The following PGAP3 variants were observed in gnomAD, a reference collection of about 807,000 sequenced individuals.
PGAP3 encodes post-GPI attachment to proteins phospholipase 3.
In PGAP3, 31 loss-of-function variants were observed where a neutral mutation model predicts 40.3. The ratio of observed to expected loss-of-function variants is 0.77; its 90% CI spans 0.58 to 1.04. The LOEUF is 1.04. PGAP3 is among the 50% of genes least tolerant of loss of function. PGAP3 has a pLI of 0.00. For missense variants in PGAP3, 413 were observed against 423.0 expected, an observed-to-expected ratio of 0.98 and a Z score of 0.21; for synonymous variants, 191 against 184.5, an observed-to-expected ratio of 1.04 and a Z score of -0.29.
chr17:39,678,329 G>A (rs1597818805), intron 3 of PGAP3, among the ~76,000 whole-genome samples: 1 of 152,178 alleles, frequency 6.6e-6, no homozygotes, highest in Non-Finnish European at 1.5e-5. Flanking sequence ...CTCTACACCT[G>A]AGGACCTTTC....
intron 2 of PGAP3, among the ~76,000 whole-genome samples, chr17:39,685,491 CA>C (rs35388872): frequency 1.1e-4 from 15 of 136,544 alleles, no homozygotes; most frequent in East Asian, 6.4e-4. Flanking sequence ...GACTCCATCT[CA>C]AAAAAAAAAA....
In PGAP3 at chr17:39,685,926, C is replaced by T. The variant is rs587777251; in HGVS notation, c.275G>A (p.Gly92Asp). 1 of 1,612,620 alleles carries T rather than the reference C, an allele frequency of 6.2e-7. No homozygotes were observed. The highest frequency in any genetic ancestry group is 1.1e-5 in the South Asian group (1 of 91,028). ...QEGHKVPQFH[G>D]KWPFSRFLFF... is the part of the protein sequence containing the mutation. ...TACCCTGACCCTCCAACTCACCTTG[C>T]CATGGAACTGAGGCACTTTGTGACC... Residue 92 changes from glycine (G) to aspartate (D), a missense_variant, in exon 2 of 8, where the codon GGC becomes GAC. Gly to Asp is a moderately conservative substitution (Grantham distance 94). Transcript: ENST00000300658.
chr17:39,672,733 G>T lies in PGAP3; in HGVS notation c.*70C>A. The T allele has an allele frequency of 1.4e-6, 2 of 1,430,912 alleles. No individual in the cohort carries two copies. The highest frequency in any genetic ancestry group is 2.0e-6 in the Non-Finnish European group (2 of 1,016,546). The allele number at this position is 1,430,912 out of a possible 1,614,324, so 88.6% of individuals were successfully genotyped here. A position where few individuals can be genotyped will look rare whatever the true frequency, so the allele number is the denominator to read the frequency against. On this transcript the variant is annotated 3_prime_UTR_variant, in exon 8 of 8. Coordinates refer to ENST00000300658, the MANE Select transcript of PGAP3 (RefSeq NM_033419.5). ...TTGAAAAGAGAAAATCATCTCAAGG[G>T]TTGAGGGGAGAAGGGAGGCCAGCAG...
At chr17:39,680,537 G>A (rs1023138185) in intron 3 of PGAP3, among the ~76,000 whole-genome samples, 1 of 152,054 alleles carries the variant, frequency 6.6e-6, no homozygotes, top group African/African-American at 2.4e-5. Context: ...TTCGCAGCAC[G>A]CCCCATCTAT....
intron 3 of PGAP3, 50 bp downstream of exon 3, chr17:39,684,547 C>T: frequency 1.3e-6 from 2 of 1,551,210 alleles, no homozygotes; most frequent in South Asian, 1.2e-5. Context: ...ATGTAGAGCT[C>T]CACCTTCCTA....
chr17:39,673,537 T>C lies in PGAP3; in HGVS notation c.671A>G (p.Asn224Ser). 6.2e-7 allele frequency: 1 copy of C among 1,613,886 alleles called. No homozygotes were observed. The highest frequency in any genetic ancestry group is 8.5e-7 in the Non-Finnish European group (1 of 1,179,958). ...LSLIRFDYGY[N>S]LVANVAIGLV... ...ACCAATAGCCACGTTGGCCACCAGG[T>C]TGTAGCCATAGTCGAAGCGGATGAG... is the stretch of plus-strand genomic sequence containing the variant. Residue 224 changes from asparagine (N) to serine (S), a missense_variant, in exon 6 of 8, where the codon AAC (asparagine) becomes AGC (serine). Coordinates refer to ENST00000300658, the MANE Select transcript of PGAP3 (RefSeq NM_033419.5).
Position 39,684,750 on chromosome 17 carries a change from CT to C in PGAP3, c.280-2del. 6.3e-7 allele frequency: 1 copy of C among 1,596,210 alleles called. No individual in the cohort carries two copies. The highest frequency in any genetic ancestry group is 8.5e-7 in the Non-Finnish European group (1 of 1,171,856). On this transcript the variant is annotated splice_acceptor_variant, in intron 2 of 7. Coordinates refer to ENST00000300658, the MANE Select transcript of PGAP3 (RefSeq NM_033419.5). LOFTEE classifies it high-confidence loss of function. ...AGAACAGGAACCGGGAGAAGGGCCA[CT>C]GAAAAAGGAGCAGATGAAGGAGGTT...
intron 3 of PGAP3, among the ~76,000 whole-genome samples, chr17:39,682,225 CAAAAAAAAAAAAAAAAAAAAAA>C (rs60959390): frequency 1.3e-4 from 3 of 22,810 alleles, no homozygotes; most frequent in African/African-American, 2.7e-4. Flanking sequence ...GACTCTGTCT[CAAAAAAAAAAAAAAAAAAAAAA>C]AAAAAAAAAA....
chr17:39,679,768 C>T (rs1213320251), intron 3 of PGAP3, among the ~76,000 whole-genome samples: 1 of 152,190 alleles, frequency 6.6e-6, no homozygotes, highest in Non-Finnish European at 1.5e-5. Context: ...CACTCAGGGG[C>T]CTCTCTGCTC....
In PGAP3 at chr17:39,673,127, G is replaced by T; in HGVS notation, c.823C>A (p.Pro275Thr). ...GLSLLELLDF[P>T]PLFWVLDAHA... The stretch of plus-strand genomic sequence containing the variant: ...GCATCCAGGACCCAGAAGAGCGGTG[G>T]GAAGTCAAGCAGCTCGAGCAGGGAC... Residue 275 changes from proline (P) to threonine (T), a missense_variant, in exon 7 of 8, where the codon CCA (proline) becomes ACA (threonine). Transcript: ENST00000300658. 1 of 1,607,288 alleles carries T rather than the reference G, an allele frequency of 6.2e-7. No individual in the cohort carries two copies. The highest frequency in any genetic ancestry group is 8.5e-7 in the Non-Finnish European group (1 of 1,177,346).
At chr17:39,676,745 AGTTTTCTCATCT>A (rs1199713350) in intron 3 of PGAP3, 2 of 152,398 alleles carry the variant, frequency 1.3e-5, no homozygotes, top group Admixed American at 6.5e-5. Flanking sequence ...GCTGTGCCTC[AGTTTTCTCATCT>A]GCAAAATGGG....
At chr17:39,681,234 T>C (rs891962458) in intron 3 of PGAP3, among the ~76,000 whole-genome samples, 2 of 152,034 alleles carry the variant, frequency 1.3e-5, no homozygotes, top group Non-Finnish European at 2.9e-5. Context: ...TCTAATCCAC[T>C]CTTGAAGTTT....
chr17:39,673,336 C>A, intron 6 of PGAP3, 81 bp from the exon 7 acceptor site: 1 of 1,562,982 alleles, frequency 6.4e-7, no homozygotes, highest in Non-Finnish European at 8.7e-7. Flanking sequence ...TGCTCTCTGA[C>A]CCCAGGATCA....
In PGAP3 at chr17:39,674,782, A is replaced by G. The variant is rs1565922; in HGVS notation, c.433-103T>C. ...TTTCACCTTTGGGAAGGGGCTCTGCAGGACAAGAAATGTGCTTTTCCTGCC... is the reference window on the plus strand; with the variant it reads ...TTTCACCTTTGGGAAGGGGCTCTGCGGGACAAGAAATGTGCTTTTCCTGCC... On this transcript the variant is annotated intron_variant, in intron 3 of 7. Transcript: ENST00000300658. 0.67 allele frequency: 778,577 copies of G among 1,156,540 alleles called. 265,722 individuals are homozygous for G. Among genetic ancestry groups the G allele is most frequent in the South Asian group, 0.76 (52,605 of 69,210 alleles). 71.6% of individuals were successfully genotyped at this position (1,156,540 alleles called of 1,614,324 possible). A position where few individuals can be genotyped will look rare whatever the true frequency, so the allele number is the denominator to read the frequency against.
At chr17:39,681,699 G>A (rs2057442223) in intron 3 of PGAP3, among the ~76,000 whole-genome samples, 1 of 151,958 alleles carries the variant, frequency 6.6e-6, no homozygotes, top group African/African-American at 2.4e-5. Context: ...GTAGAGACAG[G>A]GTTTCTTCAT....
Position 39,673,164 on chromosome 17 carries a change from C to A in PGAP3, c.786G>T (p.Leu262=). The A allele has an allele frequency of 6.3e-7, 1 of 1,591,494 alleles. No homozygotes were observed. Among genetic ancestry groups the A allele is most frequent in the Non-Finnish European group, 8.5e-7 (1 of 1,169,714 alleles). Residue 262 remains leucine, a synonymous_variant, in exon 7 of 8, where the codon CTG becomes CTT. Coordinates refer to ENST00000300658, the MANE Select transcript of PGAP3 (RefSeq NM_033419.5). ...GCTCGAGCAGGGACAGCCCCTGCAG[C>A]AGCAAGACCACCACCACGCACTTGC... ...HVRKCVVVVL[L]LQGLSLLELL...
intron 3 of PGAP3, among the ~76,000 whole-genome samples, chr17:39,675,791 G>A (rs1177796416): frequency 6.6e-6 from 1 of 152,168 alleles, no homozygotes; most frequent in African/African-American, 2.4e-5. Context: ...CAGAACTGCT[G>A]CACAGCCAGT....
At chr17:39,677,011 G>A (rs889315453) in intron 3 of PGAP3, among the ~76,000 whole-genome samples, 1 of 152,158 alleles carries the variant, frequency 6.6e-6, no homozygotes, top group African/African-American at 2.4e-5. Context: ...GCTCCAGGCT[G>A]GGGGAAGAGT....
chr17:39,680,472 C>T (rs2057425749), intron 3 of PGAP3, among the ~76,000 whole-genome samples: 2 of 152,168 alleles, frequency 1.3e-5, no homozygotes, highest in African/African-American at 2.4e-5. Flanking sequence ...TTAACAGCCT[C>T]CTTCCCTGAC....
Sources: gnomAD v4.1 joint callset for allele counts (sites outside exome capture counted in the v4.1 genomes callset) on GRCh38, gnomAD v4.1.1 for gene constraint, MANE v1.5 for transcripts, NCBI Gene and HGNC (gene_info 2026-07-23, HGNC 2026-07-21) for gene names.